The following TUSC3 variants were observed in gnomAD, a reference collection of about 807,000 sequenced individuals.
TUSC3 encodes the protein tumor suppressor candidate 3.
TUSC3 carries 45 observed loss-of-function variants against 44.8 expected under a neutral mutation model. That is an observed-to-expected ratio of 1.00 (90% CI 0.79 to 1.29). TUSC3 has a LOEUF of 1.29. Ranked by LOEUF, TUSC3 falls within the 50% of genes most tolerant of loss-of-function variation. TUSC3 has a pLI of 0.00. For synonymous variants in TUSC3, 212 were observed against 152.9 expected (o/e 1.39, Z -2.85); for missense variants, 519 against 437.9 (o/e 1.19, Z -1.65).
chr8:15,713,347 A>T (rs1420503594), intron 6 of TUSC3, among the ~76,000 whole-genome samples: 1 of 152,324 alleles, frequency 6.6e-6, no homozygotes, highest in East Asian at 1.9e-4. Context: ...TTCCAATTAA[A>T]ATTACATTTT....
chr8:15,617,468 T>C (rs999461879), intron 1 of TUSC3, among the ~76,000 whole-genome samples: 1 of 152,068 alleles, frequency 6.6e-6, no homozygotes, highest in Non-Finnish European at 1.5e-5. Context: ...CACACATTAA[T>C]ATGGATGCCT....
intron 1 of TUSC3, among the ~76,000 whole-genome samples, chr8:15,450,411 C>G (rs1585050444): frequency 6.6e-6 from 1 of 152,050 alleles, no homozygotes. Context: ...GTTGGCTGGG[C>G]GTGGCGGCTA....
chr8:15,675,259 A>G (rs1209864228), intron 6 of TUSC3, among the ~76,000 whole-genome samples: 2 of 150,784 alleles, frequency 1.3e-5, no homozygotes, highest in African/African-American at 5.0e-5. Flanking sequence ...AGGAAATCTT[A>G]TAAATTTTTG....
intron 2 of TUSC3, among the ~76,000 whole-genome samples, chr8:15,527,179 C>T (rs1439661192): frequency 6.6e-6 from 1 of 152,128 alleles, no homozygotes; most frequent in Non-Finnish European, 1.5e-5. Context: ...TGTTACTTCA[C>T]ACATTATGAA....
downstream of TUSC3, among the ~76,000 whole-genome samples, chr8:15,768,587 TTAAA>T (rs1331405257): frequency 2.0e-5 from 3 of 152,050 alleles, no homozygotes; most frequent in East Asian, 1.9e-4. Context: ...TGATTTATCA[TTAAA>T]TAAAGAATAT....
At chr8:15,752,584 G>A (rs764356871) in intron 9 of TUSC3, among the ~76,000 whole-genome samples, 2 of 151,968 alleles carry the variant, frequency 1.3e-5, no homozygotes, top group African/African-American at 2.4e-5. Context: ...TACTGCAAAG[G>A]ATCATGGAGA....
chr8:15,650,838 A>G (rs769541555), intron 3 of TUSC3, 24 bp downstream of exon 3: 1 of 1,590,530 alleles, frequency 6.3e-7, no homozygotes, highest in East Asian at 2.2e-5. Context: ...TCGTATTCAT[A>G]TATTTAACAT....
intron 5 of TUSC3, among the ~76,000 whole-genome samples, chr8:15,666,678 T>C (rs1408109936): frequency 6.6e-6 from 1 of 151,424 alleles, no homozygotes; most frequent in African/African-American, 2.4e-5. Context: ...TATATACATA[T>C]AATCTTTATT....
chr8:15,741,520 T>C lies in TUSC3; in HGVS notation c.863-2018T>C, dbSNP rs188529283. Among the ~76,000 whole-genome samples, 24 of 152,184 alleles carry C rather than the reference T, an allele frequency of 1.6e-4. No homozygotes were observed. The East Asian group carries it at 4.7e-3, about 30-fold the overall frequency. ...GGCCAGCATGGCGAAACCCCAACTC[T>C]ACTAAAATACTAAAGTTGTCCGGGC... On this transcript the variant is annotated intron_variant, in intron 7 of 10. Transcript: ENST00000503731.
chr8:15,428,334 G>A (rs985089409), intron 1 of TUSC3, among the ~76,000 whole-genome samples: 2 of 151,890 alleles, frequency 1.3e-5, no homozygotes, highest in Non-Finnish European at 2.9e-5. Flanking sequence ...ATTCCATGGT[G>A]CATATGTGCC....
At chr8:15,747,921 A>G (rs778383856) in intron 8 of TUSC3, among the ~76,000 whole-genome samples, 1 of 152,142 alleles carries the variant, frequency 6.6e-6, no homozygotes, top group Non-Finnish European at 1.5e-5. Flanking sequence ...AAATTATTGC[A>G]TAGCATCGGA....
the TUSC3 span, among the ~76,000 whole-genome samples, chr8:15,798,346 T>C: frequency 3.9e-5 from 6 of 152,158 alleles, no homozygotes; most frequent in Non-Finnish European, 7.3e-5. Flanking sequence ...TAAGTGCCCA[T>C]ATCCAAAAAG....
chr8:15,850,904 C>T, the TUSC3 span, among the ~76,000 whole-genome samples: 3 of 152,138 alleles, frequency 2.0e-5, no homozygotes, highest in African/African-American at 7.2e-5. Context: ...CTCTGTGTCT[C>T]TATTATTATC....
chr8:15,484,316 C>T (rs1353923520), intron 2 of TUSC3, among the ~76,000 whole-genome samples: 3 of 152,224 alleles, frequency 2.0e-5, no homozygotes, highest in Non-Finnish European at 4.4e-5. Context: ...TGTGTTATCA[C>T]ATTAATCTCT....
intron 1 of TUSC3, among the ~76,000 whole-genome samples, chr8:15,559,590 G>A (rs1802382149): frequency 7.1e-6 from 1 of 140,682 alleles, no homozygotes; most frequent in Non-Finnish European, 1.6e-5. Flanking sequence ...TCTGTCTAAT[G>A]TTGACGGTGG....
chr8:15,556,568 G>T (rs1054009735), intron 1 of TUSC3, among the ~76,000 whole-genome samples: 42 of 148,782 alleles, frequency 2.8e-4, no homozygotes, highest in Non-Finnish European at 4.8e-4. Context: ...AGATCCCTGA[G>T]GAATCGCCAC....
the TUSC3 span, among the ~76,000 whole-genome samples, chr8:15,773,327 G>A: frequency 6.6e-6 from 1 of 152,076 alleles, no homozygotes; most frequent in Non-Finnish European, 1.5e-5. Context: ...TACTAGCAAT[G>A]AAGAGTCTGA....
At chr8:15,813,659 T>C in the TUSC3 span, among the ~76,000 whole-genome samples, 2 of 152,226 alleles carry the variant, frequency 1.3e-5, no homozygotes, top group Non-Finnish European at 2.9e-5. Flanking sequence ...CTATAAAATA[T>C]AATGTGGGGA....
At chr8:15,682,415 A>G (rs1331635090) in intron 6 of TUSC3, among the ~76,000 whole-genome samples, 1 of 152,048 alleles carries the variant, frequency 6.6e-6, no homozygotes, top group Non-Finnish European at 1.5e-5. Context: ...ATCATTATGT[A>G]ATTACCTTCT....
Sources: allele counts gnomAD v4.1 joint callset (sites outside exome capture counted in the v4.1 genomes callset), GRCh38; gene constraint gnomAD v4.1.1; transcripts MANE v1.5; gene names NCBI Gene and HGNC (gene_info 2026-07-23, HGNC 2026-07-21).